The following ATG9B variants were observed in gnomAD, a reference collection of about 807,000 sequenced individuals.
The protein encoded by ATG9B is autophagy-related protein 9B.
A neutral mutation model predicts 92.9 loss-of-function variants in ATG9B; 92 were observed. That is an observed-to-expected ratio of 0.99 (90% confidence interval 0.84 to 1.18). ATG9B has a LOEUF of 1.18. ATG9B is among the 50% of genes most tolerant of loss of function. The pLI is 0.00. For missense variants in ATG9B, 1,344 were observed against 1,235.0 expected (o/e 1.09, Z -1.32); for synonymous variants, 599 against 551.4 (o/e 1.09, Z -1.21).
At chr7:151,017,826 A>G (rs888159734) in intron 8 of ATG9B, 45 bp downstream of exon 8, 3 of 1,518,408 alleles carry the variant, frequency 2.0e-6, no homozygotes, top group Non-Finnish European at 2.7e-6. Flanking sequence ...AGGCAAGCGA[A>G]CTCCCACCCA....
In ATG9B at chr7:151,023,088, T is replaced by C. The variant is rs1271830310; in HGVS notation, c.778A>G (p.Thr260Ala). ...TRPGPFHSKV[T>A]LSDAILPSAQ... ...GAGGGTAGGATGGCATCTGACAGGG[T>C]CACTTTGCTGTGGAACGGCCCAGGT... Residue 260 changes from threonine (T) to alanine (A), a missense_variant, in exon 4 of 14, where the codon ACC becomes GCC. By Grantham distance (58) the Thr-to-Ala change is moderately conservative. Coordinates refer to ENST00000639579, the MANE Select transcript of ATG9B (RefSeq NM_001317056.2). 1.2e-6 allele frequency: 2 copies of C among 1,613,962 alleles called. No individual in the cohort carries two copies. The highest frequency in any genetic ancestry group is 1.7e-5 in the Admixed American group (1 of 59,986).
chr7:151,015,916 G>A lies in ATG9B; in HGVS notation c.2755C>T (p.Arg919Trp), dbSNP rs1312209539. 8 of 1,551,552 alleles carry A rather than the reference G, an allele frequency of 5.2e-6. No homozygotes were observed. Among genetic ancestry groups the A allele is most frequent in the East Asian group, 2.4e-5 (1 of 40,934 alleles). The change falls in exon 13 of 14, where the codon CGG (arginine) becomes TGG (tryptophan). Residue 919 changes from arginine (R) to tryptophan (W), a missense_variant. Arg to Trp is a moderately radical substitution (Grantham distance 101). Coordinates refer to ENST00000639579, the MANE Select transcript of ATG9B (RefSeq NM_001317056.2). ...VTTDTQKEPD[R>W]ASCTD ...TCGTCTCAGTCAGTGCAAGAGGCCC[G>A]GTCAGGCTCCTTCTGGGTGTCTGTG...
chr7:151,022,854 T>TACTTAATACACTTTAAGTACA (rs1310663819), intron 4 of ATG9B, among the ~76,000 whole-genome samples, 191 bp downstream of exon 4: 1 of 151,290 alleles, frequency 6.6e-6, no homozygotes, highest in Non-Finnish European at 1.5e-5. Flanking sequence ...AAAAAAGATA[T>TACTTAATACACTTTAAGTACA]ACTTAATACA....
rs1022852570 is a variant in ATG9B at position 151,024,138 on chromosome 7, T to C, written c.286A>G (p.Thr96Ala). The change falls in exon 1 of 14, where the codon ACC (threonine) becomes GCC (alanine). Residue 96 changes from threonine to alanine, a missense_variant. Transcript: ENST00000639579. Reference protein sequence around the residue: ...SCHSALPIPATPPTQAQPAMT... With the variant: ...SCHSALPIPAAPPTQAQPAMT... ...GCAGGTTGAGCCTGTGTTGGGGGGG[T>C]GGCTGGGATAGGGAGAGCACTGTGG... is the stretch of plus-strand genomic sequence containing the variant. The C allele has an allele frequency of 2.5e-6, 4 of 1,580,972 alleles. No individual in the cohort carries two copies. The highest frequency in any genetic ancestry group is 1.8e-4 in the Middle Eastern group (1 of 5,548).
At chr7:151,013,983 G>C (rs1194346626), downstream of ATG9B, 1 of 1,609,222 alleles carries the variant, frequency 6.2e-7, no homozygotes, top group South Asian at 1.1e-5. Flanking sequence ...GTCGGGTTCT[G>C]ATCCACTGTG....
In ATG9B at chr7:151,015,956, T is replaced by G. The variant is rs1253644382; in HGVS notation, c.2715A>C (p.Gly905=). ...GTQKARNLFP[G]GFQVTTDTQK... ...GGGTGTCTGTGGTCACCTGAAACCC[T>G]CCGGGGAACAGATTCCGGGCCTTCT... The change falls in exon 13 of 14, where the codon GGA becomes GGC. Residue 905 remains glycine (G), a synonymous_variant. Transcript: ENST00000639579. 1.5e-5 allele frequency: 23 copies of G among 1,551,488 alleles called. No individual in the cohort carries two copies. The highest frequency in any genetic ancestry group is 2.0e-5 in the Non-Finnish European group (23 of 1,146,976).
At chr7:151,012,243 T>C (rs1329458649), downstream of ATG9B, 2 of 984,346 alleles carry the variant, frequency 2.0e-6, no homozygotes, top group Non-Finnish European at 2.8e-6. Flanking sequence ...TTTAATTTTT[T>C]TTTGAGATGG....
chr7:151,015,999 C>T lies in ATG9B; in HGVS notation c.2672G>A (p.Arg891Lys). 6.4e-7 allele frequency: 1 copy of T among 1,551,658 alleles called. No homozygotes were observed. The highest frequency in any genetic ancestry group is 1.2e-5 in the South Asian group (1 of 84,054). ...SDGSSPASSP[R>K]QQWGTQKARN... is the part of the protein sequence containing the mutation. ...GGCCTTCTGGGTTCCCCACTGTTGT[C>T]TGGGGCTAGAGGCAGGACTGGAGCC... Residue 891 changes from arginine (R) to lysine (K), a missense_variant, in exon 13 of 14, where the codon AGA becomes AAA. Coordinates refer to ENST00000639579, the MANE Select transcript of ATG9B (RefSeq NM_001317056.2).
chr7:151,023,053 A>C lies in ATG9B; in HGVS notation c.813T>G (p.Cys271Trp), dbSNP rs1476665063. The change falls in exon 4 of 14, where the codon TGT (cysteine) becomes TGG (tryptophan). Residue 271 changes from cysteine to tryptophan, a missense_variant. By Grantham distance (215) the Cys-to-Trp change is radical (BLOSUM62 -2). Transcript: ENST00000639579. The part of the protein sequence containing the change: ...LSDAILPSAQ[C>W]AERIRSSPLL... Reference sequence around the variant, plus strand: ...ACCAGGTTGTCACTAACCTCTCAGCACACTGGGCTGAGGGTAGGATGGCAT... The same window carrying C: ...ACCAGGTTGTCACTAACCTCTCAGCCCACTGGGCTGAGGGTAGGATGGCAT... 1 of 1,613,952 alleles carries C rather than the reference A, an allele frequency of 6.2e-7. No homozygotes were observed. Among genetic ancestry groups the C allele is most frequent in the East Asian group, 2.2e-5 (1 of 44,888 alleles).
chr7:151,012,622 GT>G (rs1795330994), downstream of ATG9B: 2 of 930,382 alleles, frequency 2.1e-6, no homozygotes, highest in Admixed American at 5.3e-5. Flanking sequence ...GGGAGGGCAG[GT>G]ACCAAAGGCA....
In ATG9B at chr7:151,018,821, G is replaced by A. The variant is rs1795628036; in HGVS notation, c.1517C>T (p.Ala506Val). Residue 506 changes from alanine (A) to valine (V), a missense_variant, in exon 6 of 14, where the codon GCC becomes GTC. Ala to Val is a moderately conservative substitution (Grantham distance 64). Coordinates refer to ENST00000639579, the MANE Select transcript of ATG9B (RefSeq NM_001317056.2). The surrounding 1 kb of genome is among the most constrained non-coding windows in gnomAD (Gnocchi z 4.7). ...CAGGAAGGCGGCGGCGGGGCGGTAG[G>A]CGCGGGCCAGGCGCGCGCGCAGCTC... ...PHELRARLARAYRPAAAFLRT... is the reference protein window; with the variant it reads ...PHELRARLARVYRPAAAFLRT... 1.9e-5 allele frequency: 25 copies of A among 1,290,310 alleles called. 1 individual carries two copies. In the South Asian group the frequency reaches 5.0e-4, roughly 26 times the overall value. The allele number at this position is 1,290,310 out of a possible 1,614,324, so 79.9% of individuals were successfully genotyped here. A position where few individuals can be genotyped will look rare whatever the true frequency, so the allele number is the denominator to read the frequency against.
rs1164209635 is a variant in ATG9B, at chr7:151,018,818, TAGGCGCGGGCC to T, written c.1509_1519del (p.Ala504ProfsTer185). 1.6e-6 allele frequency: 2 copies of T among 1,290,238 alleles called. No homozygotes were observed. The highest frequency in any genetic ancestry group is 1.6e-5 in the African/African-American group (1 of 64,016). The allele number at this position is 1,290,238 out of a possible 1,614,324, so 79.9% of individuals were successfully genotyped here. A position where few individuals can be genotyped will look rare whatever the true frequency, so the allele number is the denominator to read the frequency against. On this transcript the variant is annotated frameshift_variant, in exon 6 of 14. Transcript: ENST00000639579. LOFTEE classifies it high-confidence loss of function. This position sits in a 1 kb window ranked among gnomAD's most constrained non-coding sequence, Gnocchi z 4.7. ...GCGCAGGAAGGCGGCGGCGGGGCGG[TAGGCGCGGGCC>T]AGGCGCGCGCGCAGCTCGTGCGGCA...
chr7:151,023,558 AG>A, intron 2 of ATG9B, 49 bp from the exon 3 acceptor site: 1 of 1,611,956 alleles, frequency 6.2e-7, no homozygotes. Context: ...GCCTCTCCTG[AG>A]GACACCTCCC....
chr7:151,012,220 T>G, downstream of ATG9B: 19 of 781,390 alleles, frequency 2.4e-5, no homozygotes, highest in Non-Finnish European at 2.5e-5. Flanking sequence ...TGTTTTTTGT[T>G]TTTTGTTTTT....
Position 151,016,101 on chromosome 7 carries a change from C to T in ATG9B, c.2647+8G>A, listed in dbSNP as rs1378473555. On this transcript the variant is annotated splice_region_variant and intron_variant, in intron 12 of 13. Transcript: ENST00000639579. ...GGCTCTGTCCCCTGCAGGCCCCACC[C>T]TCCTCACCGTCACTTGACCAGGATG... 1 of 1,537,324 alleles carries T rather than the reference C, an allele frequency of 6.5e-7. No homozygotes were observed. The highest frequency in any genetic ancestry group is 1.2e-5 in the South Asian group (1 of 81,922).
In ATG9B at chr7:151,019,264, G is replaced by C. The variant is rs1437735010; in HGVS notation, c.1074C>G (p.His358Gln). Residue 358 changes from histidine to glutamine, a missense_variant, in exon 6 of 14, where the codon CAC (histidine) becomes CAG (glutamine). By Grantham distance (24) the His-to-Gln change is conservative. Coordinates refer to ENST00000639579, the MANE Select transcript of ATG9B (RefSeq NM_001317056.2). ...QPRPLTELDI[H>Q]HRILRYTNYQ... ...AGTTGGTGTAGCGCAGGATGCGGTG[G>C]TGGATGTCCAGCTCCGTCAGGGGCC... 8.9e-6 allele frequency: 14 copies of C among 1,579,736 alleles called. No individual in the cohort carries two copies. The highest frequency in any genetic ancestry group is 2.3e-5 in the South Asian group (2 of 88,414).
rs554983610 is a variant in ATG9B, at chr7:151,023,010, C to A, written c.821+35G>T. On this transcript the variant is annotated intron_variant, in intron 4 of 13. Coordinates refer to ENST00000639579, the MANE Select transcript of ATG9B (RefSeq NM_001317056.2). ...TCTACTCCTCTACCCACTGCCCATG[C>A]TTCACCCCCAGGGCCCCACCAGGTT... 4.3e-5 allele frequency: 70 copies of A among 1,613,688 alleles called. No individual in the cohort carries two copies. In the South Asian group the frequency reaches 7.0e-4, roughly 16 times the overall value.
At position 151,018,025 on chromosome 7, in the gene ATG9B, G is replaced by T. The variant is rs756890891; in HGVS notation, c.1898C>A (p.Ser633Tyr). The T allele has an allele frequency of 8.1e-6, 13 of 1,596,310 alleles. No homozygotes were observed. In the South Asian group the frequency reaches 1.5e-4, roughly 18 times the overall value. Reference sequence around the variant, plus strand: ...CAGAAACAGCGGGGTGAGGAGCGGGGACAGGAGCTCCTCCAGGAGGGAGAC... The same window carrying T: ...CAGAAACAGCGGGGTGAGGAGCGGGTACAGGAGCTCCTCCAGGAGGGAGAC... ...RAVSLLEELL[S>Y]PLLTPLFLLF... Residue 633 changes from serine (S) to tyrosine (Y), a missense_variant, in exon 8 of 14, where the codon TCC (serine) becomes TAC (tyrosine). Physicochemically the swap from Ser to Tyr is moderately radical, Grantham distance 144. Coordinates refer to ENST00000639579, the MANE Select transcript of ATG9B (RefSeq NM_001317056.2). The surrounding 1 kb of genome is among the most constrained non-coding windows in gnomAD (Gnocchi z 4.7).
At position 151,016,156 on chromosome 7, in the gene ATG9B, G is replaced by A; in HGVS notation, c.2600C>T (p.Ser867Leu). 1 of 1,540,170 alleles carries A rather than the reference G, an allele frequency of 6.5e-7. No individual in the cohort carries two copies. The highest frequency in any genetic ancestry group is 8.8e-7 in the Non-Finnish European group (1 of 1,140,342). The change falls in exon 12 of 14, where the codon TCA becomes TTA. Residue 867 changes from serine (S) to leucine (L), a missense_variant. Coordinates refer to ENST00000639579, the MANE Select transcript of ATG9B (RefSeq NM_001317056.2). ...SILSRPCSSPSQPPSPDEEKP... is the reference protein window; with the variant it reads ...SILSRPCSSPLQPPSPDEEKP... ...CTCCTCATCAGGCGAGGGTGGCTGT[G>A]AGGGGCTGGAGCAGGGCCTGGACAG... is the stretch of plus-strand genomic sequence containing the variant.
Sources: allele counts gnomAD v4.1 joint callset (sites outside exome capture counted in the v4.1 genomes callset), GRCh38; gene constraint gnomAD v4.1.1; non-coding constraint Gnocchi (gnomAD v3.1); transcripts MANE v1.5; gene names NCBI Gene and HGNC (gene_info 2026-07-23, HGNC 2026-07-21).